The following CRHR2 variants were observed in gnomAD, a reference collection of about 807,000 sequenced individuals.
CRHR2 encodes corticotropin-releasing hormone receptor 2.
In CRHR2, 53 loss-of-function variants were observed where a neutral mutation model predicts 57.9. The ratio of observed to expected loss-of-function variants is 0.92; its 90% CI spans 0.73 to 1.15. CRHR2 has a LOEUF of 1.15. Among genes scored for constraint, CRHR2 ranks in the 50% most tolerant of loss-of-function variants. CRHR2 has a pLI of 0.00. For synonymous variants in CRHR2, 213 were observed against 220.9 expected (o/e 0.96, Z 0.32); for missense variants, 532 against 542.6 (o/e 0.98, Z 0.19).
intron 2 of CRHR2, among the ~76,000 whole-genome samples, chr7:30,669,386 TG>T (rs1784288672): frequency 2.6e-5 from 4 of 152,148 alleles, no homozygotes; most frequent in East Asian, 1.9e-4. Context: ...CTGATCAATG[TG>T]GGGGCTCCCT....
chr7:30,682,322 G>C lies in CRHR2; in HGVS notation c.-42C>G, dbSNP rs755668813. Reference sequence around the variant, plus strand: ...GTGCGGAGAGGGAGTGGGAGTGCGCGCCCGGCGTGACTGCGAGGGAGTGGA... The same window carrying C: ...GTGCGGAGAGGGAGTGGGAGTGCGCCCCCGGCGTGACTGCGAGGGAGTGGA... On this transcript the variant is annotated 5_prime_UTR_variant, in exon 1 of 12. Transcript: ENST00000471646. 1.7e-5 allele frequency: 25 copies of C among 1,505,146 alleles called. No individual in the cohort carries two copies. The Admixed American group carries it at 4.0e-4, about 24-fold the overall frequency. 93.2% of individuals were successfully genotyped at this position (1,505,146 alleles called of 1,614,324 possible).
intron 1 of CRHR2, among the ~76,000 whole-genome samples, chr7:30,695,563 G>A (rs868288044): frequency 6.6e-6 from 1 of 152,074 alleles, no homozygotes; most frequent in Non-Finnish European, 1.5e-5. Context: ...AGGGGAGGGA[G>A]AGGTGACTTG....
At chr7:30,667,051 A>G (rs1326871064) in intron 3 of CRHR2, among the ~76,000 whole-genome samples, 177 bp downstream of exon 3, 1 of 151,956 alleles carries the variant, frequency 6.6e-6, no homozygotes, top group East Asian at 1.9e-4. Context: ...CCCCTTCTCT[A>G]CTCCCCTACA....
At chr7:30,678,743 C>T (rs1319484554) in intron 2 of CRHR2, among the ~76,000 whole-genome samples, 1 of 152,212 alleles carries the variant, frequency 6.6e-6, no homozygotes, top group Non-Finnish European at 1.5e-5. Flanking sequence ...CAACTGTGCT[C>T]AGCTGTTTCC....
At chr7:30,674,396 G>A (rs988001541) in intron 2 of CRHR2, among the ~76,000 whole-genome samples, 17 of 152,188 alleles carry the variant, frequency 1.1e-4, no homozygotes, top group Non-Finnish European at 2.9e-5. Context: ...GAGGAAAGTG[G>A]GGAGGGGACC....
chr7:30,689,430 A>G (rs552204755), intron 1 of CRHR2: 71 of 700,426 alleles, frequency 1.0e-4, no homozygotes, highest in Non-Finnish European at 1.2e-4. Context: ...CCATGGCCAC[A>G]TGGAGCAGCA....
chr7:30,691,802 C>T lies in CRHR2; in HGVS notation c.-260-2518G>A, dbSNP rs1021880566. The stretch of plus-strand genomic sequence containing the variant: ...GGGTGGATTTGACTCAGTCCGAAGT[C>T]GTAATCTACCATGCAGGTGTCAATT... On this transcript the variant is annotated intron_variant, in intron 1 of 13. Transcript: ENST00000341843. Among the ~76,000 whole-genome samples, 6 of 152,154 alleles carry T rather than the reference C, an allele frequency of 3.9e-5. No individual in the cohort carries two copies. In the East Asian group the frequency reaches 9.6e-4, roughly 24 times the overall value.
chr7:30,699,701 T>C (rs1459320040), intron 1 of CRHR2: 1 of 211,160 alleles, frequency 4.7e-6, no homozygotes, highest in Non-Finnish European at 9.5e-6. Flanking sequence ...TCCCTTCCCC[T>C]GCCCCCTCAC....
chr7:30,665,078 T>C lies in CRHR2; in HGVS notation c.535A>G (p.Ser179Gly). ...TCTCCCCGAGCAATGACCTCATTGC[T>C]CTCGTGCACTTCATGGTCAACGAGC... The part of the protein sequence containing the change: ...LQLVDHEVHE[S>G]NEVWCRCITT... The change falls in exon 5 of 12, where the codon AGC becomes GGC. Residue 179 changes from serine to glycine, a missense_variant. Coordinates refer to ENST00000471646, the MANE Select transcript of CRHR2 (RefSeq NM_001883.5). The surrounding 1 kb of genome is among the most constrained non-coding windows in gnomAD (Gnocchi z 4.5). 6.2e-7 allele frequency: 1 copy of C among 1,613,708 alleles called. No homozygotes were observed. Among genetic ancestry groups the C allele is most frequent in the South Asian group, 1.1e-5 (1 of 91,060 alleles).
chr7:30,661,850 G>C (rs1338058855), intron 7 of CRHR2, among the ~76,000 whole-genome samples: 1 of 152,166 alleles, frequency 6.6e-6, no homozygotes, highest in Admixed American at 6.5e-5. Flanking sequence ...CACATACCCC[G>C]GGCCAGAGCT....
chr7:30,660,123 T>G (rs1269750602), intron 8 of CRHR2, among the ~76,000 whole-genome samples: 2 of 152,232 alleles, frequency 1.3e-5, no homozygotes, highest in African/African-American at 4.8e-5. Flanking sequence ...CTCATTATGC[T>G]GCATCCCGGT....
At chr7:30,682,534 CG>C (rs1010450028), upstream of CRHR2, 12 of 1,236,992 alleles carry the variant, frequency 9.7e-6, no homozygotes, top group East Asian at 3.7e-5. Context: ...ATGGCTGCGC[CG>C]GGGGGCGGGG....
chr7:30,694,897 T>G (rs1474285936), intron 1 of CRHR2, among the ~76,000 whole-genome samples: 27 of 100,150 alleles, frequency 2.7e-4, no homozygotes, highest in Non-Finnish European at 3.8e-4. Flanking sequence ...GAGGGGATGA[T>G]GAGGAGAGAA....
At position 30,656,098 on chromosome 7, in the gene CRHR2, A is replaced by G; in HGVS notation, c.832-86T>C. 1 of 1,242,142 alleles carries G rather than the reference A, an allele frequency of 8.1e-7. No individual in the cohort carries two copies. Among genetic ancestry groups the G allele is most frequent in the East Asian group, 2.3e-5 (1 of 43,130 alleles). The allele number at this position is 1,242,142 out of a possible 1,614,324, so 76.9% of individuals were successfully genotyped here. A position where few individuals can be genotyped will look rare whatever the true frequency, so the allele number is the denominator to read the frequency against. ...CGAGAGGCAGCCCCCTTCCCCGCAGACCCCTGGAAACCGATGTCCCACGCA... is the reference window on the plus strand; with the variant it reads ...CGAGAGGCAGCCCCCTTCCCCGCAGGCCCCTGGAAACCGATGTCCCACGCA... On this transcript the variant is annotated intron_variant, in intron 8 of 11. Transcript: ENST00000471646. This position sits in a 1 kb window ranked among gnomAD's most constrained non-coding sequence, Gnocchi z 4.4.
Position 30,662,854 on chromosome 7 carries a change from G to A in CRHR2, c.544-7C>T. On this transcript the variant is annotated splice_region_variant and splice_polypyrimidine_tract_variant and intron_variant, in intron 5 of 11. Coordinates refer to ENST00000471646, the MANE Select transcript of CRHR2 (RefSeq NM_001883.5). The stretch of plus-strand genomic sequence containing the variant: ...TGATGCAGCGGCACCAGACCTGTGT[G>A]CAGGGCAGAGAGGCTGTCAGGAGGC... 1.2e-6 allele frequency: 2 copies of A among 1,613,790 alleles called. No homozygotes were observed. The highest frequency in any genetic ancestry group is 1.3e-5 in the African/African-American group (1 of 75,072).
At chr7:30,697,847 C>G (rs1422029594) in intron 1 of CRHR2, 1 of 152,592 alleles carries the variant, frequency 6.6e-6, no homozygotes, top group East Asian at 1.9e-4. Flanking sequence ...CAGGCTCCCC[C>G]ATCCTGTCAA....
chr7:30,653,731 AC>A lies in CRHR2; in HGVS notation c.1096-132del. 2.6e-6 allele frequency: 3 copies of A among 1,145,434 alleles called. No individual in the cohort carries two copies. In the South Asian group the frequency reaches 4.9e-5, roughly 19 times the overall value. The allele number at this position is 1,145,434 out of a possible 1,614,324, so 71.0% of individuals were successfully genotyped here. A position where few individuals can be genotyped will look rare whatever the true frequency, so the allele number is the denominator to read the frequency against. ...TGACAAGGAACTGTCTGCTTCCAAA[AC>A]AGGTCCTTCCCTGATGCTGTTGCCT... On this transcript the variant is annotated intron_variant, in intron 11 of 11. Coordinates refer to ENST00000471646, the MANE Select transcript of CRHR2 (RefSeq NM_001883.5). This position sits in a 1 kb window ranked among gnomAD's most constrained non-coding sequence, Gnocchi z 5.0.
chr7:30,655,203 CAG>C (rs1362398715), intron 10 of CRHR2, 123 bp from the exon 11 acceptor site: 5 of 1,112,704 alleles, frequency 4.5e-6, no homozygotes, highest in Admixed American at 2.1e-5. Context: ...CCCCTGGAGT[CAG>C]AGCTGGGTGG....
intron 8 of CRHR2, among the ~76,000 whole-genome samples, chr7:30,658,202 C>T (rs369712905): frequency 3.9e-5 from 6 of 152,210 alleles, no homozygotes; most frequent in African/African-American, 1.2e-4. Context: ...CTGAGCTCTC[C>T]GGCTTTCCAT....
Sources: gnomAD v4.1 joint callset for allele counts (sites outside exome capture counted in the v4.1 genomes callset) on GRCh38, gnomAD v4.1.1 for gene constraint, Gnocchi (gnomAD v3.1) non-coding constraint, MANE v1.5 for transcripts, NCBI Gene and HGNC (gene_info 2026-07-23, HGNC 2026-07-21) for gene names.